Variants in CDH13 observed in about 807,000 individuals in gnomAD.
CDH13 encodes cadherin-13.
In CDH13, 24 loss-of-function variants were observed where a neutral mutation model predicts 63.8. That is an observed-to-expected ratio of 0.38 (90% CI 0.27 to 0.53). The LOEUF (loss-of-function observed/expected upper bound fraction) is 0.53. CDH13 is among the 20% of genes least tolerant of loss of function. The probability of loss-of-function intolerance (pLI) is 0.85; values close to 1 mark genes in which losing one functional copy is unlikely to be tolerated. For missense variants in CDH13, 1,049 were observed against 903.1 expected (o/e 1.16, Z -2.07); for synonymous variants, 503 against 355.3 (o/e 1.42, Z -4.67).
intron 10 of CDH13, among the ~76,000 whole-genome samples, chr16:83,682,360 T>C (rs1202554673): frequency 2.0e-5 from 3 of 152,146 alleles, no homozygotes; most frequent in African/African-American, 7.2e-5. Context: ...GGTGCACATG[T>C]GCAGCAGCTG....
intron 5 of CDH13, among the ~76,000 whole-genome samples, chr16:83,301,276 C>T (rs1036589649): frequency 9.2e-5 from 14 of 152,028 alleles, no homozygotes; most frequent in Non-Finnish European, 1.5e-4. Context: ...CATGATCCGC[C>T]CGCCTCAGCC....
At position 82,760,286 on chromosome 16, in the gene CDH13, T is replaced by A. The variant is rs376466491; in HGVS notation, c.46-98076T>A. ...CCGCAAAAATGCAATTAGCCTGTTA[T>A]CAAAATAACAGGGAGAGATGAATTC... On this transcript the variant is annotated intron_variant, in intron 1 of 13. Coordinates refer to ENST00000567109, the MANE Select transcript of CDH13 (RefSeq NM_001257.5). 1.6e-3 allele frequency among the ~76,000 whole-genome samples: 246 copies of A among 152,250 alleles called. 8 individuals are homozygous for A. In the South Asian group the frequency reaches 0.048, roughly 29 times the overall value.
intron 6 of CDH13, among the ~76,000 whole-genome samples, chr16:83,419,578 A>T (rs753241426): frequency 2.0e-5 from 3 of 152,184 alleles, no homozygotes; most frequent in Non-Finnish European, 4.4e-5. Context: ...CCTGACATTT[A>T]TTGAGCCAAT....
chr16:83,211,786 C>T (rs993010805), intron 4 of CDH13, among the ~76,000 whole-genome samples: 2 of 152,022 alleles, frequency 1.3e-5, no homozygotes, highest in Non-Finnish European at 1.5e-5. Flanking sequence ...GCCAGGAAGT[C>T]TCTTTACCCA....
chr16:83,406,423 C>T (rs9939727), intron 6 of CDH13, among the ~76,000 whole-genome samples: 5 of 151,452 alleles, frequency 3.3e-5, no homozygotes, highest in African/African-American at 7.3e-5. Flanking sequence ...TCTTTCCCCC[C>T]CCGCCTCTCT....
At chr16:83,505,387 G>A (rs1045709789) in intron 7 of CDH13, among the ~76,000 whole-genome samples, 2 of 152,104 alleles carry the variant, frequency 1.3e-5, no homozygotes, top group African/African-American at 4.8e-5. Flanking sequence ...AATCCATGCA[G>A]ATTCCTCCCC....
At chr16:83,136,643 C>T (rs1380603692) in intron 4 of CDH13, among the ~76,000 whole-genome samples, 1 of 152,188 alleles carries the variant, frequency 6.6e-6, no homozygotes, top group African/African-American at 2.4e-5. Flanking sequence ...GCTGTTCCTT[C>T]TCTGCCGGAC....
chr16:82,867,530 C>T (rs534476800), intron 2 of CDH13, among the ~76,000 whole-genome samples: 14 of 152,266 alleles, frequency 9.2e-5, no homozygotes, highest in South Asian at 8.3e-4. Flanking sequence ...TTCACCAAGA[C>T]GTTACTTGGT....
At chr16:83,459,341 G>C (rs2073112719) in intron 6 of CDH13, among the ~76,000 whole-genome samples, 1 of 152,164 alleles carries the variant, frequency 6.6e-6, no homozygotes. Flanking sequence ...GAATAAACGT[G>C]ATTAAATTAT....
At chr16:83,296,546 G>A (rs1215165669) in intron 5 of CDH13, among the ~76,000 whole-genome samples, 3 of 152,126 alleles carry the variant, frequency 2.0e-5, no homozygotes. Flanking sequence ...GTCTGCCTCG[G>A]AGTGACTTGG....
At chr16:82,976,890 A>T (rs575201650) in intron 2 of CDH13, among the ~76,000 whole-genome samples, 77 of 152,278 alleles carry the variant, frequency 5.1e-4, no homozygotes, top group Non-Finnish European at 5.4e-4. Context: ...GAAGGGGATG[A>T]TGACATCTTC....
chr16:83,092,914 G>A (rs955205156), intron 3 of CDH13, among the ~76,000 whole-genome samples: 1 of 152,158 alleles, frequency 6.6e-6, no homozygotes, highest in African/African-American at 2.4e-5. Context: ...TAAAAATAAA[G>A]GTAACGGTAC....
intron 6 of CDH13, among the ~76,000 whole-genome samples, chr16:83,438,940 A>G (rs2072402953): frequency 6.6e-6 from 1 of 152,234 alleles, no homozygotes; most frequent in Non-Finnish European, 1.5e-5. Context: ...GAGGCAGCAC[A>G]TTTATCATGC....
Position 82,644,572 on chromosome 16 carries a change from G to T in CDH13, c.45+17435G>T, listed in dbSNP as rs539865690. Among the ~76,000 whole-genome samples the T allele has an allele frequency of 1.3e-5, 2 of 152,318 alleles. No individual in the cohort carries two copies. Among genetic ancestry groups the T allele is most frequent in the East Asian group, 3.9e-4 (2 of 5,170 alleles). The stretch of plus-strand genomic sequence containing the variant: ...CAGTGCACGAGTTTGGGTGCTGGAA[G>T]GGGAGGCTTTATGGAGGCAAAGCTG... On this transcript the variant is annotated intron_variant, in intron 1 of 13. Transcript: ENST00000567109. The surrounding 1 kb of genome is among the most constrained non-coding windows in gnomAD (Gnocchi z 5.7).
chr16:83,330,893 G>A (rs1329300791), intron 5 of CDH13, among the ~76,000 whole-genome samples: 3 of 152,196 alleles, frequency 2.0e-5, no homozygotes, highest in Non-Finnish European at 4.4e-5. Flanking sequence ...GCTTGAGACT[G>A]TAAACCCTTA....
chr16:82,980,390 G>A (rs1288439020), intron 2 of CDH13, among the ~76,000 whole-genome samples: 2 of 152,190 alleles, frequency 1.3e-5, no homozygotes, highest in African/African-American at 4.8e-5. Flanking sequence ...GTGAAGGGAG[G>A]AGCTGGGTAA....
chr16:83,781,189 C>A (rs372280290), intron 12 of CDH13, among the ~76,000 whole-genome samples: 4 of 152,194 alleles, frequency 2.6e-5, no homozygotes, highest in African/African-American at 9.6e-5. Context: ...AACCCAACTT[C>A]TATCACTTGC....
In CDH13 at chr16:83,795,236, A is replaced by T; in HGVS notation, c.*206A>T. ...TCTTCCTCCCTCCTTTAATTAATGG[A>T]ATCTTCTGAATTTTCCCTGAATGTT... On this transcript the variant is annotated 3_prime_UTR_variant, in exon 14 of 14. Transcript: ENST00000567109. The T allele has an allele frequency of 1.9e-6, 1 of 534,518 alleles. No individual in the cohort carries two copies. The highest frequency in any genetic ancestry group is 3.3e-6 in the Non-Finnish European group (1 of 300,422). 33.1% of individuals were successfully genotyped at this position (534,518 alleles called of 1,614,324 possible).
intron 4 of CDH13, among the ~76,000 whole-genome samples, chr16:83,216,750 A>T (rs1191488193): frequency 6.7e-6 from 1 of 148,994 alleles, no homozygotes; most frequent in East Asian, 2.0e-4. Flanking sequence ...TGATATATAT[A>T]ATATTTAGGG....
Sources: allele counts gnomAD v4.1 joint callset (sites outside exome capture counted in the v4.1 genomes callset), GRCh38; gene constraint gnomAD v4.1.1; non-coding constraint Gnocchi (gnomAD v3.1); transcripts MANE v1.5; gene names NCBI Gene and HGNC (gene_info 2026-07-23, HGNC 2026-07-21).